Variants in PRPS2 observed in about 807,000 individuals in gnomAD.
The protein encoded by PRPS2 is ribose-phosphate pyrophosphokinase 2.
For missense variants in PRPS2, 104 were observed against 271.5 expected, an observed-to-expected ratio of 0.38 and a Z score of 4.34; for synonymous variants, 111 against 115.3, an observed-to-expected ratio of 0.96 and a Z score of 0.24.
At chrX:12,814,376 T>G (rs1002416833) in intron 4 of PRPS2, among the ~76,000 whole-genome samples, 1 of 111,904 alleles carries the variant, frequency 8.9e-6, no homozygotes, top group South Asian at 3.7e-4. Flanking sequence ...CCTTTCTCTT[T>G]TCCAAGTGTT....
intron 2 of PRPS2, among the ~76,000 whole-genome samples, chrX:12,801,895 T>C (rs2042572365): frequency 8.9e-6 from 1 of 112,442 alleles, no homozygotes; most frequent in Non-Finnish European, 1.9e-5. Flanking sequence ...AGGCATGAGC[T>C]ACCGCACCTG....
intron 2 of PRPS2, among the ~76,000 whole-genome samples, chrX:12,807,897 T>G (rs1490757843): frequency 1.1e-5 from 1 of 87,918 alleles, no homozygotes; most frequent in African/African-American, 4.5e-5. Flanking sequence ...AGATGGAGTC[T>G]CGCTCTGTCG....
chrX:12,820,975 A>G (rs1723197667), intron 6 of PRPS2, among the ~76,000 whole-genome samples, 172 bp downstream of exon 6: 1 of 112,246 alleles, frequency 8.9e-6, no homozygotes, highest in African/African-American at 3.2e-5. Context: ...GAAAAAGGCC[A>G]GGACCAGCAG....
chrX:12,820,744 G>C lies in PRPS2; in HGVS notation c.805G>C (p.Val269Leu). 8.3e-7 allele frequency: 1 copy of C among 1,211,545 alleles called. No individual in the cohort carries two copies. The highest frequency in any genetic ancestry group is 2.2e-5 in the Admixed American group (1 of 45,981). Residue 269 changes from valine to leucine, a missense_variant, in exon 6 of 7, where the codon GTT becomes CTT. Transcript: ENST00000380668. ...SRINNAAFEA[V>L]VVTNTIPQED... ...AATAAATAATGCCGCCTTTGAGGCT[G>C]TTGTCGTCACAAACACAATTCCGCA...
chrX:12,809,011 T>C (rs1466032535), intron 2 of PRPS2, among the ~76,000 whole-genome samples: 2 of 112,494 alleles, frequency 1.8e-5, no homozygotes, highest in Admixed American at 1.9e-4. Flanking sequence ...TTGTTCTCTA[T>C]ACCCAGCGTC....
chrX:12,815,326 T>C (rs2042642089), intron 4 of PRPS2, among the ~76,000 whole-genome samples: 1 of 110,695 alleles, frequency 9.0e-6, no homozygotes, highest in African/African-American at 3.3e-5. Flanking sequence ...TGCTGTCTGC[T>C]TGTGAGCAGG....
At chrX:12,815,453 T>C (rs772915938) in intron 4 of PRPS2, among the ~76,000 whole-genome samples, 20 of 111,713 alleles carry the variant, frequency 1.8e-4, no homozygotes, top group African/African-American at 6.5e-4. Context: ...TGTGGATTGG[T>C]ATCCTGTCAT....
intron 3 of PRPS2, 115 bp from the exon 4 acceptor site, chrX:12,809,907 T>C (rs1569096465): frequency 1.0e-6 from 1 of 1,001,700 alleles, no homozygotes; most frequent in Non-Finnish European, 1.3e-6. Flanking sequence ...TTATAAAAGC[T>C]TCTTTTGAAC....
chrX:12,813,583 T>TTATCAGGCAG (rs1193481245), intron 4 of PRPS2, among the ~76,000 whole-genome samples: 1 of 111,897 alleles, frequency 8.9e-6, no homozygotes, highest in Non-Finnish European at 1.9e-5. Context: ...ACACAGTGGG[T>TTATCAGGCAG]TATCAGGCAG....
At chrX:12,822,382 C>T (rs749828808) in intron 6 of PRPS2, among the ~76,000 whole-genome samples, 28 of 112,095 alleles carry the variant, frequency 2.5e-4, no homozygotes, top group African/African-American at 7.5e-4. Context: ...AAAAACCTTC[C>T]GTATAATGAT....
chrX:12,798,435 A>C (rs983295450), intron 1 of PRPS2, among the ~76,000 whole-genome samples: 16 of 111,861 alleles, frequency 1.4e-4, no homozygotes, highest in Non-Finnish European at 2.3e-4. Flanking sequence ...CTTTGCCTAA[A>C]ATGAAAAATC....
intron 4 of PRPS2, 46 bp downstream of exon 4, chrX:12,810,192 G>C: frequency 8.3e-7 from 1 of 1,198,113 alleles, no homozygotes. Flanking sequence ...CTGCTGATTG[G>C]TTTTTCCTTT....
At chrX:12,804,179 T>C (rs2042582651) in intron 2 of PRPS2, among the ~76,000 whole-genome samples, 1 of 109,252 alleles carries the variant, frequency 9.2e-6, no homozygotes, top group African/African-American at 3.3e-5. Context: ...TCTCGCTCTG[T>C]CACCCAGGCT....
At position 12,791,429 on chromosome X, in the gene PRPS2, C is replaced by T. The variant is rs947043637; in HGVS notation, c.-69C>T. 22 of 1,137,001 alleles carry T rather than the reference C, an allele frequency of 1.9e-5. No individual in the cohort carries two copies. Among genetic ancestry groups the T allele is most frequent in the Admixed American group, 4.9e-5 (2 of 41,111 alleles). The allele number at this position is 1,137,001 out of a possible 1,213,427, so 93.7% of individuals were successfully genotyped here. ...CCGCTCCCGCAGCAGCAGCCTCCCG[C>T]GTCGCTGTCGCTGTTGCCTCCGCCA... On this transcript the variant is annotated 5_prime_UTR_variant, in exon 1 of 7. Transcript: ENST00000380668.
intron 1 of PRPS2, among the ~76,000 whole-genome samples, chrX:12,792,510 G>T (rs2042524996): frequency 9.0e-6 from 1 of 111,592 alleles, no homozygotes; most frequent in South Asian, 3.8e-4. Flanking sequence ...TGACCTGGGG[G>T]GCTCCTTTGT....
chrX:12,822,160 A>G (rs892839715), intron 6 of PRPS2, among the ~76,000 whole-genome samples: 1 of 112,056 alleles, frequency 8.9e-6, no homozygotes, highest in African/African-American at 3.2e-5. Context: ...GCAAATTTTT[A>G]TCAGAGCACA....
At chrX:12,800,876 G>C (rs1056655579) in intron 2 of PRPS2, among the ~76,000 whole-genome samples, 1 of 111,405 alleles carries the variant, frequency 9.0e-6, no homozygotes, top group Non-Finnish European at 1.9e-5. Context: ...AATCTAATTA[G>C]AAGGGTCCAC....
At chrX:12,805,334 T>G (rs2042588033) in intron 2 of PRPS2, among the ~76,000 whole-genome samples, 1 of 112,570 alleles carries the variant, frequency 8.9e-6, no homozygotes, top group Non-Finnish European at 1.9e-5. Context: ...ATCTTTAGTT[T>G]CCTTATCTGT....
At chrX:12,795,318 A>G (rs953293906) in intron 1 of PRPS2, among the ~76,000 whole-genome samples, 1 of 111,802 alleles carries the variant, frequency 8.9e-6, no homozygotes, top group South Asian at 3.7e-4. Flanking sequence ...GGGGGCCATT[A>G]TTCTGCCTAC....
Sources: allele counts gnomAD v4.1 joint callset (sites outside exome capture counted in the v4.1 genomes callset), GRCh38; gene constraint gnomAD v4.1.1; transcripts MANE v1.5; gene names NCBI Gene and HGNC (gene_info 2026-07-23, HGNC 2026-07-21).